Variants in ZNF880 observed in about 807,000 individuals in gnomAD.
ZNF880 encodes zinc finger protein LOC400713.
ZNF880 carries 12 observed loss-of-function variants against 11.8 expected under a neutral mutation model. That is an observed-to-expected ratio of 1.02 (90% CI 0.65 to 1.65). The LOEUF is 1.65. ZNF880 is among the 40% of genes most tolerant of loss of function. The probability of loss-of-function intolerance (pLI) is 0.00; values close to 1 mark genes in which losing one functional copy is unlikely to be tolerated. For synonymous variants in ZNF880, 210 were observed against 232.4 expected (o/e 0.90, Z 0.88); for missense variants, 601 against 673.9 (o/e 0.89, Z 1.20).
At chr19:52,377,668 ACTTT>A (rs1986593670) in intron 3 of ZNF880, among the ~76,000 whole-genome samples, 1 of 152,120 alleles carries the variant, frequency 6.6e-6, no homozygotes, top group African/African-American at 2.4e-5. Flanking sequence ...TCAGTAAAAC[ACTTT>A]CTTAGGTTCA....
upstream of ZNF880, among the ~76,000 whole-genome samples, chr19:52,368,202 C>A (rs2122328282): frequency 6.3e-5 from 3 of 47,484 alleles, no homozygotes; most frequent in South Asian, 5.9e-4. Flanking sequence ...AAGGCTCCGT[C>A]TCAAAAAAAA....
At chr19:52,388,307 A>T (rs1448408186), downstream of ZNF880, among the ~76,000 whole-genome samples, 177 of 12,418 alleles carry the variant, frequency 0.014, no homozygotes, top group African/African-American at 0.049. Context: ...TTTTTTTTTT[A>T]GGCAGAGTCT....
At chr19:52,376,566 A>G (rs1485728299) in intron 3 of ZNF880, among the ~76,000 whole-genome samples, 1 of 117,298 alleles carries the variant, frequency 8.5e-6, no homozygotes, top group Non-Finnish European at 1.6e-5. Flanking sequence ...CTGGAGTGCA[A>G]TGGCATGATC....
At chr19:52,392,185 A>G in the ZNF880 span, among the ~76,000 whole-genome samples, 3 of 152,228 alleles carry the variant, frequency 2.0e-5, no homozygotes, top group Admixed American at 2.0e-4. Flanking sequence ...CAGGACACAG[A>G]TCAACAGCCA....
chr19:52,372,909 CAAAAAAAAAAA>C (rs201869014), intron 1 of ZNF880, among the ~76,000 whole-genome samples, 191 bp from the exon 2 acceptor site: 4 of 69,944 alleles, frequency 5.7e-5, no homozygotes, highest in East Asian at 9.2e-4. Flanking sequence ...GACTCCGTCT[CAAAAAAAAAAA>C]AAAAAAAAAA....
chr19:52,385,222 TA>T lies in ZNF880; in HGVS notation c.1643del (p.Tyr548SerfsTer49). 1.3e-6 allele frequency: 2 copies of T among 1,551,934 alleles called. No individual in the cohort carries two copies. Among genetic ancestry groups the T allele is most frequent in the Non-Finnish European group, 1.7e-6 (2 of 1,147,206 alleles). On this transcript the variant is annotated frameshift_variant, in exon 4 of 4. Transcript: ENST00000422689. LOFTEE classifies it low-confidence loss of function (END_TRUNC). ...GAGAATTCATACTGGGGAGAAACCG[TA>T]CAGATGTCATGAATGTGGTAAGGAC... The part of the protein sequence containing the change: ...HERIHTGEKP[Y>X]RCHECGKDFT...
At chr19:52,372,497 C>G (rs1363697182) in intron 1 of ZNF880, among the ~76,000 whole-genome samples, 1 of 150,464 alleles carries the variant, frequency 6.6e-6, no homozygotes, top group East Asian at 2.1e-4. Context: ...ACCATGTTAG[C>G]CAGGATGGTC....
Position 52,374,323 on chromosome 19 carries a change from T to C in ZNF880, c.164T>C (p.Val55Ala). 6.2e-7 allele frequency: 1 copy of C among 1,613,700 alleles called. No individual in the cohort carries two copies. The highest frequency in any genetic ancestry group is 8.5e-7 in the Non-Finnish European group (1 of 1,179,890). The change falls in exon 3 of 4, where the codon GTT becomes GCT. Residue 55 changes from valine (V) to alanine (A), a missense_variant. Around this residue, in one of 3 missense-constraint regions of ZNF880, gnomAD observed 420 missense variants for 442.6 expected, o/e 0.95. Coordinates refer to ENST00000422689, the MANE Select transcript of ZNF880 (RefSeq NM_001145434.2). ...FLGICLPDLSVISMLEQRRDP... is the reference protein window; with the variant it reads ...FLGICLPDLSAISMLEQRRDP... ...GGAATCTGTCTTCCTGACCTGAGTG[T>C]TATCTCCATGTTGGAGCAAAGGAGA...
chr19:52,372,172 A>G (rs1013065187), intron 1 of ZNF880, among the ~76,000 whole-genome samples: 42 of 151,592 alleles, frequency 2.8e-4, no homozygotes, highest in African/African-American at 9.9e-4. Flanking sequence ...CTGGGCAATA[A>G]AGTGAGACTC....
Position 52,385,408 on chromosome 19 carries a change from A to C in ZNF880, c.*94A>C, listed in dbSNP as rs1042854066. 1 of 1,348,824 alleles carries C rather than the reference A, an allele frequency of 7.4e-7. No homozygotes were observed. The highest frequency in any genetic ancestry group is 1.0e-6 in the Non-Finnish European group (1 of 992,304). 83.6% of individuals were successfully genotyped at this position (1,348,824 alleles called of 1,614,324 possible). ...GAGTTCTTACAAACTGAGTATGGCA[A>C]ACTCTTCATGCTAAGTTCTAGCATT... On this transcript the variant is annotated 3_prime_UTR_variant, in exon 4 of 4. Coordinates refer to ENST00000422689, the MANE Select transcript of ZNF880 (RefSeq NM_001145434.2).
At chr19:52,366,861 T>C (rs1178562055), upstream of ZNF880, 3 of 1,038,908 alleles carry the variant, frequency 2.9e-6, no homozygotes, top group Non-Finnish European at 4.2e-6. Context: ...TGGCAAAGAA[T>C]TTAGTTTGCA....
chr19:52,370,040 G>A, intron 1 of ZNF880, 63 bp downstream of exon 1: 1 of 1,544,256 alleles, frequency 6.5e-7, no homozygotes, highest in South Asian at 1.2e-5. Flanking sequence ...TCTGTACCCG[G>A]CATCTCAGGG....
At chr19:52,393,721 G>A in the ZNF880 span, among the ~76,000 whole-genome samples, 1 of 119,574 alleles carries the variant, frequency 8.4e-6, no homozygotes, top group Non-Finnish European at 1.9e-5. Context: ...TCCAATAAAT[G>A]TATATGGTAT....
intron 3 of ZNF880, among the ~76,000 whole-genome samples, chr19:52,375,062 CT>C (rs1369849879): frequency 6.6e-6 from 1 of 151,790 alleles, no homozygotes; most frequent in African/African-American, 2.4e-5. Context: ...TCTTTGCCCC[CT>C]CTTACTGCTG....
the ZNF880 span, among the ~76,000 whole-genome samples, chr19:52,391,855 T>C: frequency 6.6e-6 from 1 of 151,720 alleles, no homozygotes; most frequent in Non-Finnish European, 1.5e-5. Flanking sequence ...GTGTATAAGA[T>C]AGGAGGAAAA....
rs1023785684 is a variant in ZNF880, at chr19:52,372,999, A to C, written c.13-112A>C. 6 of 1,091,108 alleles carry C rather than the reference A, an allele frequency of 5.5e-6. No individual in the cohort carries two copies. In the African/African-American group the frequency reaches 9.4e-5, roughly 17 times the overall value. The allele number at this position is 1,091,108 out of a possible 1,614,324, so 67.6% of individuals were successfully genotyped here. A position where few individuals can be genotyped will look rare whatever the true frequency, so the allele number is the denominator to read the frequency against. ...AATTAGAAACATATAACTAGCTAAA[A>C]AAATACCTTAACGTGGATTTGTCAG... On this transcript the variant is annotated intron_variant, in intron 1 of 3. Coordinates refer to ENST00000422689, the MANE Select transcript of ZNF880 (RefSeq NM_001145434.2).
At chr19:52,387,452 C>T (rs1317165235), downstream of ZNF880, among the ~76,000 whole-genome samples, 1 of 127,282 alleles carries the variant, frequency 7.9e-6, no homozygotes, top group Non-Finnish European at 1.6e-5. Context: ...ATGACAAATA[C>T]TTTTTTTTTT....
chr19:52,370,070 C>T lies in ZNF880; in HGVS notation c.12+93C>T, dbSNP rs1986317649. 5.5e-6 allele frequency: 8 copies of T among 1,461,848 alleles called. No homozygotes were observed. In the Admixed American group the frequency reaches 9.8e-5, roughly 18 times the overall value. 90.6% of individuals were successfully genotyped at this position (1,461,848 alleles called of 1,614,324 possible). A position where few individuals can be genotyped will look rare whatever the true frequency, so the allele number is the denominator to read the frequency against. On this transcript the variant is annotated intron_variant, in intron 1 of 3. Transcript: ENST00000422689. ...TCAGGGGTCACACAGACCTTGAAAT[C>T]CCCGCATCGCTCCCTCCACCCCGAC...
downstream of ZNF880, chr19:52,389,067 C>T (rs1330306444): frequency 6.6e-6 from 1 of 152,172 alleles, no homozygotes; most frequent in Non-Finnish European, 1.5e-5. Context: ...CAGTTACCTC[C>T]CCCCGGGTCC....
Sources: gnomAD v4.1 joint callset for allele counts (sites outside exome capture counted in the v4.1 genomes callset) on GRCh38, gnomAD v4.1.1 for gene constraint, gnomAD v4.1.1 regional missense constraint, MANE v1.5 for transcripts, NCBI Gene and HGNC (gene_info 2026-07-23, HGNC 2026-07-21) for gene names.